The following WIPF2 variants were observed in gnomAD, a reference collection of about 807,000 sequenced individuals.
The protein encoded by WIPF2 is WAS/WASL-interacting protein family member 2.
A neutral mutation model predicts 38.8 loss-of-function variants in WIPF2; 23 were observed. That is an observed-to-expected ratio of 0.59 (90% confidence interval 0.43 to 0.84). The LOEUF (loss-of-function observed/expected upper bound fraction) is 0.84, where lower values mean the gene tolerates loss of function less well. Ranked by LOEUF, WIPF2 falls within the 40% of genes least tolerant of loss-of-function variation. The probability of loss-of-function intolerance (pLI) is 0.00; values close to 1 mark genes in which losing one functional copy is unlikely to be tolerated. For synonymous variants in WIPF2, 210 were observed against 223.2 expected, an observed-to-expected ratio of 0.94 and a Z score of 0.53; for missense variants, 574 against 580.5, an observed-to-expected ratio of 0.99 and a Z score of 0.11.
intron 5 of WIPF2, among the ~76,000 whole-genome samples, chr17:40,268,683 G>A (rs2032160822): frequency 6.6e-6 from 1 of 151,866 alleles, no homozygotes; most frequent in South Asian, 2.1e-4. Flanking sequence ...CTCCCACCTT[G>A]GCCTCCCGAA....
At chr17:40,276,561 G>C (rs2032407694) in intron 6 of WIPF2, among the ~76,000 whole-genome samples, 1 of 146,072 alleles carries the variant, frequency 6.8e-6, no homozygotes, top group African/African-American at 2.5e-5. Context: ...ATTTCTTTCT[G>C]CTACCATGCA....
chr17:40,276,859 C>T (rs1055642050), intron 6 of WIPF2, among the ~76,000 whole-genome samples: 5 of 152,156 alleles, frequency 3.3e-5, no homozygotes, highest in Non-Finnish European at 4.4e-5. Context: ...GGCTCAAAGA[C>T]GCACTACTTA....
rs1020649049 is a variant in WIPF2, at chr17:40,250,914, CTTTTTTTTTT to C, written c.-69-5463_-69-5454del. On this transcript the variant is annotated intron_variant, in intron 1 of 7. Coordinates refer to ENST00000323571, the MANE Select transcript of WIPF2 (RefSeq NM_133264.5). ...GCCAGTACACGTTAGCTATTAGATTCTTTTTTTTTTTTTTTTTTTTTTTGAGTCTCGCTTT... is the reference window on the plus strand; with the variant it reads ...GCCAGTACACGTTAGCTATTAGATTCTTTTTTTTTTTTTGAGTCTCGCTTT... Among the ~76,000 whole-genome samples, 496 of 90,352 alleles carry C rather than the reference CTTTTTTTTTT, an allele frequency of 5.5e-3. 6 individuals are homozygous for C. Among genetic ancestry groups the C allele is most frequent in the African/African-American group, 0.02 (479 of 23,472 alleles). The allele number at this position is 90,352 out of a possible 152,430, so 59.3% of individuals were successfully genotyped here.
intron 1 of WIPF2, among the ~76,000 whole-genome samples, chr17:40,226,206 A>G (rs1209243542): frequency 3.4e-5 from 5 of 147,024 alleles, no homozygotes; most frequent in Non-Finnish European, 6.0e-5. Context: ...AAAAAAAAAA[A>G]AATTTTTTTT....
At chr17:40,233,115 A>G (rs1370108365) in intron 1 of WIPF2, among the ~76,000 whole-genome samples, 1 of 152,208 alleles carries the variant, frequency 6.6e-6, no homozygotes, top group Non-Finnish European at 1.5e-5. Flanking sequence ...GCCTGCTGCC[A>G]TTTGAGTTGA....
chr17:40,274,557 G>GAAGAA (rs2032333107), intron 6 of WIPF2, among the ~76,000 whole-genome samples: 1 of 24,780 alleles, frequency 4.0e-5, no homozygotes, highest in Non-Finnish European at 8.1e-5. Context: ...TGGAATTCTT[G>GAAGAA]AAAAAAAAAA....
intron 1 of WIPF2, among the ~76,000 whole-genome samples, chr17:40,245,955 A>G (rs578022155): frequency 4.6e-5 from 7 of 152,246 alleles, no homozygotes; most frequent in African/African-American, 1.4e-4. Flanking sequence ...AACAACACGT[A>G]TAGCCTTGTG....
At position 40,283,421 on chromosome 17, in the gene WIPF2, T is replaced by A. The variant is rs939491548; in HGVS notation, c.*5196T>A. On this transcript the variant is annotated 3_prime_UTR_variant, in exon 8 of 8. Coordinates refer to ENST00000323571, the MANE Select transcript of WIPF2 (RefSeq NM_133264.5). ...CACTATGCCTGGCTAATTTTGAAAA[T>A]TTTTTTGTAAAGACAGGGTCTCCCT... 6.6e-6 allele frequency: 1 copy of A among 151,774 alleles called. No individual in the cohort carries two copies. Among genetic ancestry groups the A allele is most frequent in the Non-Finnish European group, 1.5e-5 (1 of 67,998 alleles). 9.4% of individuals were successfully genotyped at this position (151,774 alleles called of 1,614,324 possible). A position where few individuals can be genotyped will look rare whatever the true frequency, so the allele number is the denominator to read the frequency against.
intron 5 of WIPF2, among the ~76,000 whole-genome samples, chr17:40,271,819 G>C (rs1001289275): frequency 3.3e-5 from 5 of 152,096 alleles, no homozygotes; most frequent in Non-Finnish European, 7.4e-5. Flanking sequence ...CCAATAAATG[G>C]TAGCTGCTAT....
At chr17:40,244,835 G>A (rs1334965816) in intron 1 of WIPF2, among the ~76,000 whole-genome samples, 1 of 152,124 alleles carries the variant, frequency 6.6e-6, no homozygotes, top group East Asian at 1.9e-4. Flanking sequence ...TTCCCCAGAT[G>A]TTTACATGGC....
chr17:40,264,613 C>G lies in WIPF2; in HGVS notation c.437C>G (p.Pro146Arg), dbSNP rs201690626. The part of the protein sequence containing the change: ...DDTDSSRASL[P>R]ELPRMQRPSL... ...ACAGACAGCAGCCGGGCCTCACTCCCAGAACTGCCCCGGATGCAGAGACCC... is the reference window on the plus strand; with the variant it reads ...ACAGACAGCAGCCGGGCCTCACTCCGAGAACTGCCCCGGATGCAGAGACCC... The change falls in exon 5 of 8, where the codon CCA (proline) becomes CGA (arginine). Residue 146 changes from proline (P) to arginine (R), a missense_variant. Physicochemically the swap from Pro to Arg is moderately radical, Grantham distance 103. Coordinates refer to ENST00000323571, the MANE Select transcript of WIPF2 (RefSeq NM_133264.5). The G allele has an allele frequency of 3.7e-6, 6 of 1,614,162 alleles. No individual in the cohort carries two copies. Among genetic ancestry groups the G allele is most frequent in the Non-Finnish European group, 4.2e-6 (5 of 1,180,016 alleles).
At chr17:40,228,004 C>CTTTTTTTTTTTTT (rs763198849) in intron 1 of WIPF2, among the ~76,000 whole-genome samples, 1 of 119,922 alleles carries the variant, frequency 8.3e-6, no homozygotes, top group Non-Finnish European at 1.7e-5. Flanking sequence ...TTTTATACCT[C>CTTTTTTTTTTTTT]TTTTTGTTTT....
In WIPF2 at chr17:40,265,098, A is replaced by G; in HGVS notation, c.922A>G (p.Ser308Gly). 1 of 1,613,570 alleles carries G rather than the reference A, an allele frequency of 6.2e-7. No individual in the cohort carries two copies. Among genetic ancestry groups the G allele is most frequent in the African/African-American group, 1.3e-5 (1 of 75,012 alleles). ...CACCTCGGCCTCCCCATCTTTACTG[A>G]GTAATAGGCCACCTCCCCCAGCCCG... ...PPTSASPSLL[S>G]NRPPPPARDP... The change falls in exon 5 of 8, where the codon AGT becomes GGT. Residue 308 changes from serine (S) to glycine (G), a missense_variant. Coordinates refer to ENST00000323571, the MANE Select transcript of WIPF2 (RefSeq NM_133264.5).
rs1249211466 is a variant in WIPF2, at chr17:40,281,597, T to C, written c.*3372T>C. ...TGGCAAGGATACTCGTCATCGGCCATTGCACTGGGGAACTCCCTCACCCCA... is the reference window on the plus strand; with the variant it reads ...TGGCAAGGATACTCGTCATCGGCCACTGCACTGGGGAACTCCCTCACCCCA... On this transcript the variant is annotated 3_prime_UTR_variant, in exon 8 of 8. Coordinates refer to ENST00000323571, the MANE Select transcript of WIPF2 (RefSeq NM_133264.5). The C allele has an allele frequency of 6.6e-6, 1 of 152,490 alleles. No homozygotes were observed. Among genetic ancestry groups the C allele is most frequent in the Non-Finnish European group, 1.5e-5 (1 of 68,034 alleles). The allele number at this position is 152,490 out of a possible 1,614,324, so 9.4% of individuals were successfully genotyped here. A position where few individuals can be genotyped will look rare whatever the true frequency, so the allele number is the denominator to read the frequency against.
At chr17:40,243,317 T>TA (rs993441306) in intron 1 of WIPF2, among the ~76,000 whole-genome samples, 2 of 152,050 alleles carry the variant, frequency 1.3e-5, no homozygotes, top group Non-Finnish European at 2.9e-5. Context: ...TGACTGGCTT[T>TA]AAAAAAAATC....
chr17:40,264,694 G>T lies in WIPF2; in HGVS notation c.518G>T (p.Ser173Ile). 1 of 1,613,204 alleles carries T rather than the reference G, an allele frequency of 6.2e-7. No individual in the cohort carries two copies. Among genetic ancestry groups the T allele is most frequent in the Non-Finnish European group, 8.5e-7 (1 of 1,179,584 alleles). ...ACCAGCAGTACGGGCATGAAGCACA[G>T]CTCCTCTGCCCCTCCCCCACCACCC... Reference protein sequence around the residue: ...NTTSSTGMKHSSSAPPPPPPG... With the variant: ...NTTSSTGMKHISSAPPPPPPG... Residue 173 changes from serine (S) to isoleucine (I), a missense_variant, in exon 5 of 8, where the codon AGC becomes ATC. Physicochemically the swap from Ser to Ile is moderately radical, Grantham distance 142. Transcript: ENST00000323571.
rs189353615 is a variant in WIPF2, at chr17:40,278,489, C to A, written c.*264C>A. On this transcript the variant is annotated 3_prime_UTR_variant, in exon 8 of 8. Transcript: ENST00000323571. ...CAAGCCCTGCTAGCCACATGAGGAA[C>A]AAGTTTCCGTGTCTTCTGCCTTCCT... is the stretch of plus-strand genomic sequence containing the variant. 1 of 488,356 alleles carries A rather than the reference C, an allele frequency of 2.0e-6. No homozygotes were observed. The highest frequency in any genetic ancestry group is 1.9e-5 in the African/African-American group (1 of 51,622). 30.3% of individuals were successfully genotyped at this position (488,356 alleles called of 1,614,324 possible). A position where few individuals can be genotyped will look rare whatever the true frequency, so the allele number is the denominator to read the frequency against.
chr17:40,235,483 A>G (rs2030929920), intron 1 of WIPF2, among the ~76,000 whole-genome samples: 1 of 151,854 alleles, frequency 6.6e-6, no homozygotes, highest in African/African-American at 2.4e-5. Flanking sequence ...AAACTCTGAC[A>G]GGTATAAACC....
intron 1 of WIPF2, among the ~76,000 whole-genome samples, chr17:40,238,674 A>C (rs557317784): frequency 3.8e-4 from 57 of 151,582 alleles, no homozygotes; most frequent in African/African-American, 1.3e-3. Context: ...GTGCAGTGGC[A>C]CAATCTCGGC....
Sources: gnomAD v4.1 joint callset for allele counts (sites outside exome capture counted in the v4.1 genomes callset) on GRCh38, gnomAD v4.1.1 for gene constraint, MANE v1.5 for transcripts, NCBI Gene and HGNC (gene_info 2026-07-23, HGNC 2026-07-21) for gene names.